Variants in TBC1D5 observed in about 807,000 individuals in gnomAD.
The protein encoded by TBC1D5 is TBC1 domain family, member 5.
TBC1D5 carries 75 observed loss-of-function variants against 100.3 expected under a neutral mutation model. The ratio of observed to expected loss-of-function variants is 0.75; its 90% CI spans 0.62 to 0.91. The LOEUF (loss-of-function observed/expected upper bound fraction) is 0.91. Ranked by LOEUF, TBC1D5 falls within the 40% of genes least tolerant of loss-of-function variation. The pLI, the probability that TBC1D5 is intolerant of heterozygous loss-of-function variation, is 0.00. For synonymous variants in TBC1D5, 323 were observed against 325.6 expected, an observed-to-expected ratio of 0.99 and a Z score of 0.09; for missense variants, 910 against 942.4, an observed-to-expected ratio of 0.97 and a Z score of 0.45.
intron 2 of TBC1D5, among the ~76,000 whole-genome samples, chr3:17,509,868 C>T (rs1430484581): frequency 6.6e-6 from 1 of 151,942 alleles, no homozygotes; most frequent in Non-Finnish European, 1.5e-5. Flanking sequence ...AGTTTTCCCT[C>T]TCAATTCTCA....
intron 1 of TBC1D5, among the ~76,000 whole-genome samples, chr3:17,646,141 A>C (rs1023178667): frequency 1.3e-5 from 2 of 151,816 alleles, no homozygotes; most frequent in African/African-American, 4.9e-5. Context: ...GGATGCAGAC[A>C]GACACTCAGA....
At chr3:17,458,719 T>C (rs2095142393) in intron 3 of TBC1D5, among the ~76,000 whole-genome samples, 1 of 152,186 alleles carries the variant, frequency 6.6e-6, no homozygotes, top group African/African-American at 2.4e-5. Flanking sequence ...GCTGTGAACT[T>C]GATTTTCAGC....
chr3:17,224,743 A>C (rs2074663000), intron 17 of TBC1D5, among the ~76,000 whole-genome samples: 1 of 152,242 alleles, frequency 6.6e-6, no homozygotes, highest in South Asian at 2.1e-4. Flanking sequence ...AGAATAATTA[A>C]ACATCCAGAA....
chr3:17,223,376 T>G (rs1271458175), intron 17 of TBC1D5, among the ~76,000 whole-genome samples: 1 of 152,212 alleles, frequency 6.6e-6, no homozygotes, highest in South Asian at 2.1e-4. Context: ...AGCAATGTGA[T>G]ATTTGCAAAA....
chr3:17,670,411 A>G (rs1202893023), intron 1 of TBC1D5, among the ~76,000 whole-genome samples: 11 of 152,226 alleles, frequency 7.2e-5, no homozygotes, highest in Admixed American at 7.2e-4. Context: ...AGATTGCTAG[A>G]ACCAGACCAG....
Position 17,329,284 on chromosome 3 carries a change from C to T in TBC1D5, c.996-21150G>A, listed in dbSNP as rs538828499. On this transcript the variant is annotated intron_variant, in intron 13 of 21. Coordinates refer to ENST00000253692, the Ensembl canonical transcript of TBC1D5. ...AACATGAATGGGTTTATATAACAAA[C>T]ATGTTTACATAGTATGACTGTGAGT... Among the ~76,000 whole-genome samples, 5 of 152,272 alleles carry T rather than the reference C, an allele frequency of 3.3e-5. No homozygotes were observed. The South Asian group carries it at 6.2e-4, about 19-fold the overall frequency.
At position 17,436,215 on chromosome 3, in the gene TBC1D5, C is replaced by T. The variant is rs74703603; in HGVS notation, c.98-7696G>A. ...CCATTTGTTTGTTATCTCACTTAAC[C>T]TTTCAATATCTCAGATTCCTCATCT... On this transcript the variant is annotated intron_variant, in intron 3 of 21. Transcript: ENST00000253692. Among the ~76,000 whole-genome samples, 1,204 of 152,226 alleles carry T rather than the reference C, an allele frequency of 7.9e-3. 10 individuals carry two copies. Among genetic ancestry groups the T allele is most frequent in the Non-Finnish European group, 0.014 (951 of 68,008 alleles).
intron 1 of TBC1D5, among the ~76,000 whole-genome samples, chr3:17,669,582 C>T (rs1051444566): frequency 4.6e-5 from 7 of 152,112 alleles, no homozygotes; most frequent in African/African-American, 1.7e-4. Context: ...CTTATCACTC[C>T]ATAGGGCTCC....
At chr3:17,308,230 A>G in intron 13 of TBC1D5, 96 bp from the exon 14 acceptor site, 1 of 1,202,976 alleles carries the variant, frequency 8.3e-7, no homozygotes, top group South Asian at 2.2e-5. Context: ...TTAACTGAAC[A>G]CAGTGAGCAA....
intron 2 of TBC1D5, among the ~76,000 whole-genome samples, chr3:17,571,957 G>C (rs1284649214): frequency 1.3e-5 from 2 of 151,946 alleles, no homozygotes; most frequent in East Asian, 3.9e-4. Flanking sequence ...GATGCTGCAG[G>C]AAAAACCATT....
At chr3:17,732,387 C>T (rs77018879) in intron 1 of TBC1D5, among the ~76,000 whole-genome samples, 2,782 of 151,984 alleles carry the variant, frequency 0.018, 42 homozygotes, top group Non-Finnish European at 0.026. Context: ...TACTCCCACA[C>T]TATCTACTTT....
chr3:17,591,266 AC>A lies in TBC1D5; in HGVS notation c.-36+32582del, dbSNP rs1344389376. On this transcript the variant is annotated intron_variant, in intron 2 of 21. Transcript: ENST00000253692. ...AAAAAAAAAAAAAAAAAAAAAAAAA[AC>A]AAAAACCCCAGAGAATCATGGCCCC... 4.8e-3 allele frequency among the ~76,000 whole-genome samples: 517 copies of A among 107,006 alleles called. 70 individuals are homozygous for A. Among genetic ancestry groups the A allele is most frequent in the Middle Eastern group, 9.5e-3 (2 of 210 alleles). The allele number at this position is 107,006 out of a possible 152,430, so 70.2% of individuals were successfully genotyped here. A position where few individuals can be genotyped will look rare whatever the true frequency, so the allele number is the denominator to read the frequency against.
At chr3:17,396,656 A>C (rs991835637) in intron 8 of TBC1D5, among the ~76,000 whole-genome samples, 2 of 152,100 alleles carry the variant, frequency 1.3e-5, no homozygotes, top group Non-Finnish European at 1.5e-5. Context: ...AAAATTCAAA[A>C]CTAATCTAGT....
chr3:17,366,520 T>C (rs754003533), intron 13 of TBC1D5, among the ~76,000 whole-genome samples: 6 of 152,132 alleles, frequency 3.9e-5, no homozygotes, highest in African/African-American at 1.2e-4. Context: ...AAACATTCAG[T>C]AGTGTATGAA....
chr3:17,181,954 T>A (rs1218447154), intron 19 of TBC1D5, among the ~76,000 whole-genome samples: 1 of 152,180 alleles, frequency 6.6e-6, no homozygotes, highest in Non-Finnish European at 1.5e-5. Flanking sequence ...ATGAACACCT[T>A]AGTCCTTCCA....
At chr3:17,728,733 T>A (rs1231729333) in intron 1 of TBC1D5, among the ~76,000 whole-genome samples, 1 of 152,022 alleles carries the variant, frequency 6.6e-6, no homozygotes, top group East Asian at 1.9e-4. Flanking sequence ...TATTTTCAAA[T>A]AGGTCAAAGA....
chr3:17,210,457 G>A (rs1247476307), intron 18 of TBC1D5, among the ~76,000 whole-genome samples: 1 of 152,144 alleles, frequency 6.6e-6, no homozygotes, highest in Admixed American at 6.6e-5. Flanking sequence ...CAAAGTGCTG[G>A]AATTACAGGC....
chr3:17,377,133 A>G (rs1179048312), intron 9 of TBC1D5, among the ~76,000 whole-genome samples: 1 of 152,144 alleles, frequency 6.6e-6, no homozygotes, highest in Admixed American at 6.6e-5. Context: ...AACCTTAAGA[A>G]GGTATGACAG....
intron 1 of TBC1D5, among the ~76,000 whole-genome samples, chr3:17,675,671 G>C (rs17043895): frequency 0.011 from 1,740 of 152,154 alleles, 26 homozygotes; most frequent in African/African-American, 0.039. Context: ...AAAACATGAT[G>C]ATCAAAGGAA....
Sources: allele counts gnomAD v4.1 joint callset (sites outside exome capture counted in the v4.1 genomes callset), GRCh38; gene constraint gnomAD v4.1.1; transcripts MANE v1.5; gene names NCBI Gene and HGNC (gene_info 2026-07-23, HGNC 2026-07-21).